The following MTA3 variants were observed in gnomAD, a reference collection of about 807,000 sequenced individuals.
The protein encoded by MTA3 is metastasis-associated protein MTA3.
Under a neutral mutation model 83.5 loss-of-function variants are expected in MTA3, and 34 were observed. That is an observed-to-expected ratio of 0.41 (90% CI 0.31 to 0.54). The LOEUF is 0.54. Among genes scored for constraint, MTA3 ranks in the 20% least tolerant of loss-of-function variants. The pLI, the probability that MTA3 is intolerant of heterozygous loss-of-function variation, is 0.33. For synonymous variants in MTA3, 303 were observed against 252.7 expected (o/e 1.20, Z -1.89); for missense variants, 761 against 726.4 (o/e 1.05, Z -0.55).
intron 9 of MTA3, among the ~76,000 whole-genome samples, chr2:42,684,010 T>A (rs1217365307): frequency 6.6e-6 from 1 of 152,210 alleles, no homozygotes; most frequent in East Asian, 1.9e-4. Flanking sequence ...TATGATGATT[T>A]GATATACATA....
chr2:42,575,385 T>C (rs1678930597), intron 2 of MTA3, among the ~76,000 whole-genome samples: 1 of 152,222 alleles, frequency 6.6e-6, no homozygotes, highest in African/African-American at 2.4e-5. Context: ...GGCACATAGT[T>C]AAAGGCATTC....
chr2:42,553,067 A>G (rs1677194183), intron 2 of MTA3, among the ~76,000 whole-genome samples: 1 of 152,044 alleles, frequency 6.6e-6, no homozygotes, highest in Admixed American at 6.6e-5. Context: ...GCTTGAGGCC[A>G]GGAGTTTGAG....
chr2:42,562,931 G>A (rs1306487887), intron 2 of MTA3, among the ~76,000 whole-genome samples: 1 of 152,072 alleles, frequency 6.6e-6, no homozygotes, highest in Non-Finnish European at 1.5e-5. Flanking sequence ...CTTTCCTCCT[G>A]TATGCTTTAC....
At chr2:42,659,584 ATTATATC>A in intron 7 of MTA3, 172 bp from the exon 8 acceptor site, 1 of 312,224 alleles carries the variant, frequency 3.2e-6, no homozygotes, top group African/African-American at 2.2e-5. Flanking sequence ...CTTGTCAATT[ATTATATC>A]TTATAGAGTG....
At chr2:42,685,991 C>G (rs893528451) in intron 9 of MTA3, among the ~76,000 whole-genome samples, 2 of 152,102 alleles carry the variant, frequency 1.3e-5, no homozygotes, top group Non-Finnish European at 2.9e-5. Flanking sequence ...AAGAAGTGTC[C>G]TTTTAGAAAC....
intron 16 of MTA3, among the ~76,000 whole-genome samples, chr2:42,751,891 C>T (rs1255162504): frequency 1.3e-5 from 2 of 152,170 alleles, no homozygotes. Context: ...CATTTAGACA[C>T]TGAGGAGGTC....
At chr2:42,706,998 G>A (rs747517132) in intron 12 of MTA3, among the ~76,000 whole-genome samples, 11 of 47,098 alleles carry the variant, frequency 2.3e-4, no homozygotes, top group African/African-American at 4.3e-4. Flanking sequence ...CCTCCTCCCC[G>A]CTTCCCTCTG....
chr2:42,526,361 G>A (rs1039093583), intron 2 of MTA3, among the ~76,000 whole-genome samples: 33 of 152,150 alleles, frequency 2.2e-4, no homozygotes, highest in Non-Finnish European at 3.4e-4. Context: ...CACCGAGGCC[G>A]ATTGGCCTTC....
rs1670141866 is a variant in MTA3, at chr2:42,755,009, C to G, written c.*1610C>G. On this transcript the variant is annotated 3_prime_UTR_variant, in exon 17 of 17. Coordinates refer to ENST00000405094, the MANE Select transcript of MTA3 (RefSeq NM_001330442.2). Reference sequence around the variant, plus strand: ...CTCTTGGAGCTGTGCTGGGTCTTGGCTTGGGGCGCTGAGGGTGGGGCCTGT... The same window carrying G: ...CTCTTGGAGCTGTGCTGGGTCTTGGGTTGGGGCGCTGAGGGTGGGGCCTGT... The G allele has an allele frequency of 5.1e-6, 5 of 985,576 alleles. No homozygotes were observed. The highest frequency in any genetic ancestry group is 6.0e-6 in the Non-Finnish European group (5 of 830,140). 61.1% of individuals were successfully genotyped at this position (985,576 alleles called of 1,614,324 possible).
intron 6 of MTA3, among the ~76,000 whole-genome samples, chr2:42,647,753 T>C (rs911226012): frequency 1.3e-5 from 2 of 152,238 alleles, no homozygotes; most frequent in African/African-American, 4.8e-5. Flanking sequence ...CATTTTGAAC[T>C]CTTATTTCAG....
At chr2:42,579,229 C>A in intron 3 of MTA3, 29 bp downstream of exon 3, 1 of 1,486,154 alleles carries the variant, frequency 6.7e-7, no homozygotes, top group South Asian at 1.3e-5. Flanking sequence ...ATTAAAAAAA[C>A]GTTTTAAGTC....
intron 3 of MTA3, among the ~76,000 whole-genome samples, chr2:42,589,789 C>T (rs6544569): frequency 0.75 from 113,697 of 152,086 alleles, 42,821 homozygotes; most frequent in South Asian, 0.88. Context: ...GACACAAAAC[C>T]CTACTGTGAA....
At chr2:42,745,056 C>G (rs554774673) in intron 16 of MTA3, among the ~76,000 whole-genome samples, 2 of 152,234 alleles carry the variant, frequency 1.3e-5, no homozygotes. Flanking sequence ...TTCCAAATGA[C>G]TGAGCACTCT....
chr2:42,540,622 G>A (rs1439719523), intron 2 of MTA3, among the ~76,000 whole-genome samples: 2 of 151,814 alleles, frequency 1.3e-5, no homozygotes, highest in Non-Finnish European at 2.9e-5. Flanking sequence ...ATCGCTTGAG[G>A]CCAGGCGTTC....
At chr2:42,665,779 A>G (rs1690179149) in intron 8 of MTA3, among the ~76,000 whole-genome samples, 1 of 152,202 alleles carries the variant, frequency 6.6e-6, no homozygotes, top group African/African-American at 2.4e-5. Flanking sequence ...TCTAGAGAAG[A>G]CTGTTTTACA....
At chr2:42,594,673 T>C (rs1458796906) in intron 3 of MTA3, among the ~76,000 whole-genome samples, 1 of 134,936 alleles carries the variant, frequency 7.4e-6, no homozygotes, top group Non-Finnish European at 1.6e-5. Context: ...TACACACATA[T>C]ATAAATATAC....
At chr2:42,716,232 ATAAT>A (rs1359731083) in intron 14 of MTA3, among the ~76,000 whole-genome samples, 1 of 152,242 alleles carries the variant, frequency 6.6e-6, no homozygotes, top group African/African-American at 2.4e-5. Context: ...TGGTTGCATA[ATAAT>A]TAGCCAATAT....
Position 42,753,360 on chromosome 2 carries a change from C to T in MTA3, c.1760-14C>T. ...GACTTGTTTAACCTTCACACTGTTACTTCCCTTTTCTAGAACTCACGTGCT... is the reference window on the plus strand; with the variant it reads ...GACTTGTTTAACCTTCACACTGTTATTTCCCTTTTCTAGAACTCACGTGCT... On this transcript the variant is annotated splice_polypyrimidine_tract_variant and intron_variant, in intron 16 of 16. Transcript: ENST00000405094. 6.4e-7 allele frequency: 1 copy of T among 1,550,568 alleles called. No individual in the cohort carries two copies. Among genetic ancestry groups the T allele is most frequent in the Non-Finnish European group, 8.7e-7 (1 of 1,146,954 alleles).
At chr2:42,597,224 A>AATT (rs906121778) in intron 3 of MTA3, among the ~76,000 whole-genome samples, 8 of 151,416 alleles carry the variant, frequency 5.3e-5, no homozygotes, top group Non-Finnish European at 1.0e-4. Context: ...CTTTTTAAAA[A>AATT]ATTATTATTA....
Sources: allele counts gnomAD v4.1 joint callset (sites outside exome capture counted in the v4.1 genomes callset), GRCh38; gene constraint gnomAD v4.1.1; transcripts MANE v1.5; gene names NCBI Gene and HGNC (gene_info 2026-07-23, HGNC 2026-07-21).